Variants in MINDY3 observed in about 807,000 individuals in gnomAD.
MINDY3 encodes the protein MINDY lysine 48 deubiquitinase 3, also known as ubiquitin carboxyl-terminal hydrolase MINDY-3.
Under a neutral mutation model 69.2 loss-of-function variants are expected in MINDY3, and 38 were observed. The ratio of observed to expected loss-of-function variants is 0.55; its 90% confidence interval spans 0.42 to 0.72. The LOEUF is 0.72. MINDY3 is among the 30% of genes least tolerant of loss of function. The pLI is 0.00. For synonymous variants in MINDY3, 192 were observed against 180.1 expected, an observed-to-expected ratio of 1.07 and a Z score of -0.53; for missense variants, 522 against 519.0, an observed-to-expected ratio of 1.01 and a Z score of -0.06.
chr10:15,822,972 G>A (rs1180862704), intron 8 of MINDY3, among the ~76,000 whole-genome samples: 1 of 152,042 alleles, frequency 6.6e-6, no homozygotes, highest in African/African-American at 2.4e-5. Flanking sequence ...TAAACATAAT[G>A]CATATATAAT....
intron 10 of MINDY3, among the ~76,000 whole-genome samples, chr10:15,814,451 C>A (rs749955786): frequency 9.2e-5 from 14 of 151,556 alleles, no homozygotes; most frequent in Non-Finnish European, 1.8e-4. Flanking sequence ...ATTCATTCAA[C>A]TAATAATTCC....
chr10:15,819,356 A>G (rs559022833), intron 9 of MINDY3, among the ~76,000 whole-genome samples: 4 of 152,212 alleles, frequency 2.6e-5, no homozygotes, highest in Admixed American at 6.5e-5. Context: ...TAGTTTTTCA[A>G]AAAATGCTGT....
At chr10:15,855,235 T>C (rs1192242589) in intron 1 of MINDY3, among the ~76,000 whole-genome samples, 1 of 152,108 alleles carries the variant, frequency 6.6e-6, no homozygotes, top group Non-Finnish European at 1.5e-5. Flanking sequence ...GTGTGTTAAC[T>C]GATAACGGAC....
rs181239213 is a variant in MINDY3, at chr10:15,782,251, C to T, written c.1117-25G>A. On this transcript the variant is annotated intron_variant, in intron 13 of 14. Transcript: ENST00000277632. ...CCTATTATAAATAAAGGACTATTAA[C>T]ACTTTAAATTATATTTATATCAGGC... 4 of 1,459,752 alleles carry T rather than the reference C, an allele frequency of 2.7e-6. No individual in the cohort carries two copies. In the South Asian group the frequency reaches 3.6e-5, roughly 13 times the overall value. The allele number at this position is 1,459,752 out of a possible 1,614,324, so 90.4% of individuals were successfully genotyped here.
chr10:15,841,091 C>T (rs1420733195), intron 4 of MINDY3, among the ~76,000 whole-genome samples: 2 of 151,176 alleles, frequency 1.3e-5, no homozygotes, highest in Non-Finnish European at 3.0e-5. Flanking sequence ...TTTTGCAATA[C>T]CAAAGCAAAA....
chr10:15,822,247 TAAA>T (rs1839816304), intron 8 of MINDY3, among the ~76,000 whole-genome samples: 1 of 151,872 alleles, frequency 6.6e-6, no homozygotes, highest in Admixed American at 6.6e-5. Context: ...ACTGGGGAAA[TAAA>T]GAAGAATAGA....
At position 15,848,293 on chromosome 10, in the gene MINDY3, T is replaced by C. The variant is rs568841708; in HGVS notation, c.95-350A>G. On this transcript the variant is annotated intron_variant, in intron 1 of 14. Transcript: ENST00000277632. ...AATTTTTAGAACTCTTTAAATACCA[T>C]ATCATTCTATCATTTCAAACTTTCT... Among the ~76,000 whole-genome samples, 390 of 152,240 alleles carry C rather than the reference T, an allele frequency of 2.6e-3. 5 individuals are homozygous for C. The highest frequency in any genetic ancestry group is 8.8e-3 in the African/African-American group (364 of 41,556).
rs576872431 is a variant in MINDY3 at position 15,800,594 on chromosome 10, GA to G, written c.883-4423del. Reference sequence around the variant, plus strand: ...TGTTTAGTGCAATACTGTAACTCTTGAAAAAAAACCATGGAACCCATATGAA... The same window carrying G: ...TGTTTAGTGCAATACTGTAACTCTTGAAAAAAACCATGGAACCCATATGAA... On this transcript the variant is annotated intron_variant, in intron 10 of 14. Coordinates refer to ENST00000277632, the MANE Select transcript of MINDY3 (RefSeq NM_024948.4). Among the ~76,000 whole-genome samples the G allele has an allele frequency of 3.7e-3, 565 of 151,750 alleles. 3 individuals carry two copies. Among genetic ancestry groups the G allele is most frequent in the African/African-American group, 0.012 (498 of 41,426 alleles).
At chr10:15,853,957 C>G (rs12218978) in intron 1 of MINDY3, among the ~76,000 whole-genome samples, 1 of 151,826 alleles carries the variant, frequency 6.6e-6, no homozygotes, top group Non-Finnish European at 1.5e-5. Context: ...CAGATTGTTC[C>G]GATGACATCA....
At chr10:15,845,526 G>C (rs1309945108) in intron 2 of MINDY3, among the ~76,000 whole-genome samples, 1 of 151,844 alleles carries the variant, frequency 6.6e-6, no homozygotes, top group Admixed American at 6.6e-5. Context: ...TAGAAACAGG[G>C]TCTCCCTCTA....
chr10:15,817,366 A>C (rs970601710), intron 9 of MINDY3: 3 of 153,486 alleles, frequency 2.0e-5, no homozygotes, highest in African/African-American at 7.2e-5. Flanking sequence ...CTTTGCTCCC[A>C]AATAATCAAG....
At chr10:15,860,152 T>C in intron 1 of MINDY3, 54 bp downstream of exon 1, 1 of 1,365,044 alleles carries the variant, frequency 7.3e-7, no homozygotes, top group East Asian at 2.4e-5. Context: ...ACAGGCGGAC[T>C]CTCGCAGGGC....
intron 8 of MINDY3, among the ~76,000 whole-genome samples, chr10:15,832,591 T>C (rs549209326): frequency 2.0e-5 from 3 of 152,302 alleles, no homozygotes; most frequent in East Asian, 3.9e-4. Context: ...AACTCTGACC[T>C]TTACTAGAAA....
intron 1 of MINDY3, among the ~76,000 whole-genome samples, chr10:15,853,971 G>A (rs1317770362): frequency 2.0e-5 from 3 of 152,028 alleles, no homozygotes; most frequent in Admixed American, 2.0e-4. Context: ...GACATCACTG[G>A]TAACAGAAAC....
chr10:15,858,355 A>G (rs1834842769), intron 1 of MINDY3, among the ~76,000 whole-genome samples: 1 of 152,256 alleles, frequency 6.6e-6, no homozygotes, highest in African/African-American at 2.4e-5. Flanking sequence ...ATAAGTCATT[A>G]TAAAGTTCTA....
At chr10:15,793,028 C>T (rs549771679) in intron 11 of MINDY3, among the ~76,000 whole-genome samples, 17 of 152,208 alleles carry the variant, frequency 1.1e-4, no homozygotes, top group African/African-American at 3.1e-4. Flanking sequence ...TGAGGCGTAA[C>T]GGATGGAGCC....
intron 9 of MINDY3, among the ~76,000 whole-genome samples, chr10:15,820,656 A>G (rs1411123289): frequency 6.6e-6 from 1 of 152,244 alleles, no homozygotes; most frequent in African/African-American, 2.4e-5. Flanking sequence ...TAAGGGCAGG[A>G]CAAATCCAAT....
intron 2 of MINDY3, among the ~76,000 whole-genome samples, chr10:15,845,863 C>T (rs1833803525): frequency 7.7e-6 from 1 of 129,948 alleles, no homozygotes; most frequent in Non-Finnish European, 1.6e-5. Flanking sequence ...CACTCTTTCA[C>T]CCGAGCTAGA....
At chr10:15,848,252 T>C (rs975829915) in intron 1 of MINDY3, among the ~76,000 whole-genome samples, 2 of 152,174 alleles carry the variant, frequency 1.3e-5, no homozygotes, top group East Asian at 3.8e-4. Context: ...GACTAGATAG[T>C]CTACTAAATT....
Sources: allele counts gnomAD v4.1 joint callset (sites outside exome capture counted in the v4.1 genomes callset), GRCh38; gene constraint gnomAD v4.1.1; transcripts MANE v1.5; gene names NCBI Gene and HGNC (gene_info 2026-07-23, HGNC 2026-07-21).